Variants in FAM221A observed in about 807,000 individuals in gnomAD.
FAM221A encodes family with sequence similarity 221 member A, also known as protein FAM221A.
Under a neutral mutation model 37.6 loss-of-function variants are expected in FAM221A, and 43 were observed. The ratio of observed to expected loss-of-function variants is 1.15; its 90% CI spans 0.90 to 1.48. FAM221A has a LOEUF of 1.48. Among genes scored for constraint, FAM221A ranks in the 40% most tolerant of loss-of-function variants. The pLI is 0.00. For missense variants in FAM221A, 361 were observed against 361.5 expected (o/e 1.00, Z 0.01); for synonymous variants, 135 against 132.9 (o/e 1.02, Z -0.11).
intron 6 of FAM221A, among the ~76,000 whole-genome samples, chr7:23,701,530 C>T (rs555538682): frequency 3.3e-5 from 5 of 152,224 alleles, no homozygotes; most frequent in South Asian, 2.1e-4. Context: ...TGAGCCACCG[C>T]GCCTGGTGCC....
intron 1 of FAM221A, among the ~76,000 whole-genome samples, chr7:23,682,742 G>C (rs1344129042): frequency 6.6e-6 from 1 of 152,088 alleles, no homozygotes; most frequent in East Asian, 1.9e-4. Context: ...CTGCATTTGA[G>C]CAAGATCCCC....
At chr7:23,690,199 A>ATATATATTTTT (rs774313037) in intron 3 of FAM221A, among the ~76,000 whole-genome samples, 69 of 48,726 alleles carry the variant, frequency 1.4e-3, no homozygotes, top group East Asian at 4.3e-3. Flanking sequence ...ATATATATAT[A>ATATATATTTTT]TTTTTTTTTT....
rs1402683118 is a variant in FAM221A at position 23,689,354 on chromosome 7, AG to A, written c.328del (p.Ala110LeufsTer7). 1 of 1,607,518 alleles carries A rather than the reference AG, an allele frequency of 6.2e-7. No individual in the cohort carries two copies. The highest frequency in any genetic ancestry group is 8.5e-7 in the Non-Finnish European group (1 of 1,174,996). On this transcript the variant is annotated frameshift_variant, in exon 3 of 7. Transcript: ENST00000344962. LOFTEE classifies it high-confidence loss of function. ...LPCQVTGCQC[R>X]AYLYVPLNGS... The stretch of plus-strand genomic sequence containing the variant: ...CTGCCAAGTGACTGGCTGCCAGTGC[AG>A]GGCTTACCTTTATGTCCCCTTGAAT...
Position 23,700,798 on chromosome 7 carries a change from G to A in FAM221A, c.758G>A (p.Ser253Asn). Residue 253 changes from serine to asparagine, a missense_variant, in exon 6 of 7, where the codon AGT becomes AAT. Ser to Asn is a conservative substitution (Grantham distance 46). Coordinates refer to ENST00000344962, the MANE Select transcript of FAM221A (RefSeq NM_199136.5). Reference sequence around the variant, plus strand: ...TTTTCCTTGTTAGTAGGTACAAGTAGTCAAGTTTCTTCATTAAGGAGACCT... The same window carrying A: ...TTTTCCTTGTTAGTAGGTACAAGTAATCAAGTTTCTTCATTAAGGAGACCT... Reference protein sequence around the residue: ...PETLTDVGTSSQVSSLRRPEE... With the variant: ...PETLTDVGTSNQVSSLRRPEE... 6.2e-7 allele frequency: 1 copy of A among 1,602,098 alleles called. No individual in the cohort carries two copies. The highest frequency in any genetic ancestry group is 8.5e-7 in the Non-Finnish European group (1 of 1,174,634).
At chr7:23,696,301 G>A (rs981478783) in intron 4 of FAM221A, among the ~76,000 whole-genome samples, 1 of 152,258 alleles carries the variant, frequency 6.6e-6, no homozygotes, top group African/African-American at 2.4e-5. Context: ...GCTTATGCCT[G>A]TAATCCCAGC....
intron 1 of FAM221A, among the ~76,000 whole-genome samples, chr7:23,682,230 T>TAAATTTAA (rs1449067145): frequency 6.6e-6 from 1 of 151,750 alleles, no homozygotes; most frequent in Non-Finnish European, 1.5e-5. Flanking sequence ...CGCACCCAGC[T>TAAATTTAA]AATTTTAAAA....
intron 1 of FAM221A, 91 bp from the exon 2 acceptor site, chr7:23,684,408 C>G (rs572025957): frequency 8.1e-6 from 8 of 993,130 alleles, no homozygotes; most frequent in Non-Finnish European, 1.0e-5. Context: ...TAAAAGCTTA[C>G]AAATTTATTT....
Position 23,684,667 on chromosome 7 carries a change from A to G in FAM221A, c.234A>G (p.Thr78=), listed in dbSNP as rs1562516498. The G allele has an allele frequency of 3.7e-6, 6 of 1,601,292 alleles. No individual in the cohort carries two copies. The highest frequency in any genetic ancestry group is 4.3e-6 in the Non-Finnish European group (5 of 1,176,228). ...LVGPETLCFC[T]HRYKQHKTDL... is the part of the protein sequence containing the mutation. ...GCCCAGAGACACTGTGTTTTTGTAC[A>G]CATAGGTAAGATACTTTATTGCAAA... is the stretch of plus-strand genomic sequence containing the variant. Residue 78 remains threonine (T), a synonymous_variant, in exon 2 of 7, where the codon ACA becomes ACG. Coordinates refer to ENST00000344962, the MANE Select transcript of FAM221A (RefSeq NM_199136.5).
intron 1 of FAM221A, among the ~76,000 whole-genome samples, chr7:23,683,310 T>G (rs1207074428): frequency 6.6e-6 from 1 of 152,246 alleles, no homozygotes; most frequent in Non-Finnish European, 1.5e-5. Context: ...GGTTCTTACT[T>G]CTGAAATTAA....
intron 4 of FAM221A, chr7:23,692,160 G>A: frequency 1.0e-6 from 1 of 963,970 alleles, no homozygotes; most frequent in Non-Finnish European, 1.2e-6. Context: ...AAGTTTAATA[G>A]GATCTATTCT....
At chr7:23,693,365 ATTG>A (rs765600507) in intron 4 of FAM221A, 2 of 151,702 alleles carry the variant, frequency 1.3e-5, no homozygotes, top group Non-Finnish European at 2.9e-5. Flanking sequence ...TAAAATTGTT[ATTG>A]TTGTTTCAAT....
rs141868141 is a variant in FAM221A, at chr7:23,700,097, T to C, written c.746-689T>C. 5.9e-5 allele frequency among the ~76,000 whole-genome samples: 9 copies of C among 152,314 alleles called. No homozygotes were observed. In the East Asian group the frequency reaches 1.7e-3, roughly 29 times the overall value. ...CTGTAGCTATACTCTGTGGTGATTG[T>C]CTGGAGTTACATGTTGCTGATTGAG... is the stretch of plus-strand genomic sequence containing the variant. On this transcript the variant is annotated intron_variant, in intron 5 of 6. Coordinates refer to ENST00000344962, the MANE Select transcript of FAM221A (RefSeq NM_199136.5).
At chr7:23,702,995 G>A (rs1785545041), downstream of FAM221A, 1 of 152,136 alleles carries the variant, frequency 6.6e-6, no homozygotes, top group Non-Finnish European at 1.5e-5. Context: ...GGGAGCTAGT[G>A]ACTTTGGGGC....
At position 23,686,906 on chromosome 7, in the gene FAM221A, C is replaced by T. The variant is rs1784408239; in HGVS notation, c.239+2234C>T. ...GTTCAAGCGATTCTCCTGCCTCAGC[C>T]TCCTGAGTAGCTGGGATTACAGGCA... On this transcript the variant is annotated intron_variant, in intron 2 of 6. Coordinates refer to ENST00000344962, the MANE Select transcript of FAM221A (RefSeq NM_199136.5). The T allele has an allele frequency of 2.0e-5, 3 of 152,342 alleles. No homozygotes were observed. The South Asian group carries it at 6.2e-4, about 32-fold the overall frequency. 9.4% of individuals were successfully genotyped at this position (152,342 alleles called of 1,614,324 possible). A position where few individuals can be genotyped will look rare whatever the true frequency, so the allele number is the denominator to read the frequency against.
At chr7:23,680,346 G>A in intron 1 of FAM221A, 63 bp downstream of exon 1, 1 of 1,401,204 alleles carries the variant, frequency 7.1e-7, no homozygotes, top group Non-Finnish European at 9.6e-7. Context: ...CCTGGGCTGG[G>A]GGCGCGAGCA....
At chr7:23,692,394 T>C (rs1333777116) in intron 4 of FAM221A, 1 of 276,578 alleles carries the variant, frequency 3.6e-6, no homozygotes, top group East Asian at 1.8e-4. Context: ...CAGGCTGGAG[T>C]GCAATGGCGC....
At chr7:23,692,628 C>T (rs1784818329) in intron 4 of FAM221A, 1 of 983,418 alleles carries the variant, frequency 1.0e-6, no homozygotes, top group Non-Finnish European at 1.2e-6. Flanking sequence ...AGGCTTCAGC[C>T]ACCACGCCAG....
Position 23,692,439 on chromosome 7 carries a change from T to C in FAM221A, c.637+843T>C, listed in dbSNP as rs1784808538. 1.4e-5 allele frequency: 3 copies of C among 207,434 alleles called. No individual in the cohort carries two copies. In the South Asian group the frequency reaches 5.1e-4, roughly 36 times the overall value. 12.8% of individuals were successfully genotyped at this position (207,434 alleles called of 1,614,324 possible). A position where few individuals can be genotyped will look rare whatever the true frequency, so the allele number is the denominator to read the frequency against. ...TCACCGCAACCTCCGCCTCCCGGGTTCAAGCAATTCTCCTGCCTCAGCCTC... is the reference window on the plus strand; with the variant it reads ...TCACCGCAACCTCCGCCTCCCGGGTCCAAGCAATTCTCCTGCCTCAGCCTC... On this transcript the variant is annotated intron_variant, in intron 4 of 6. Coordinates refer to ENST00000344962, the MANE Select transcript of FAM221A (RefSeq NM_199136.5).
At position 23,691,566 on chromosome 7, in the gene FAM221A, G is replaced by C; in HGVS notation, c.607G>C (p.Gly203Arg). The C allele has an allele frequency of 1.2e-6, 2 of 1,614,144 alleles. No individual in the cohort carries two copies. Among genetic ancestry groups the C allele is most frequent in the South Asian group, 2.2e-5 (2 of 91,082 alleles). Residue 203 changes from glycine to arginine, a missense_variant, in exon 4 of 7, where the codon GGC (glycine) becomes CGC (arginine). Coordinates refer to ENST00000344962, the MANE Select transcript of FAM221A (RefSeq NM_199136.5). Reference protein sequence around the residue: ...GLTGFSSLAEGYMRLDDSGIG... With the variant: ...GLTGFSSLAERYMRLDDSGIG... ...AACTGGTTTCAGCTCGCTGGCGGAA[G>C]GCTACATGCGGTTAGATGACAGTGG...
Sources: gnomAD v4.1 joint callset for allele counts (sites outside exome capture counted in the v4.1 genomes callset) on GRCh38, gnomAD v4.1.1 for gene constraint, MANE v1.5 for transcripts, NCBI Gene and HGNC (gene_info 2026-07-23, HGNC 2026-07-21) for gene names.